Variants in EXTL3 observed in about 807,000 individuals in gnomAD.
EXTL3 encodes exostosin like glycosyltransferase 3.
Under a neutral mutation model 69.3 loss-of-function variants are expected in EXTL3, and 27 were observed. The ratio of observed to expected loss-of-function variants is 0.39; its 90% CI spans 0.29 to 0.54. The LOEUF (loss-of-function observed/expected upper bound fraction) is 0.54. EXTL3 is among the 20% of genes least tolerant of loss of function. The probability of loss-of-function intolerance (pLI) is 0.69; values close to 1 mark genes in which losing one functional copy is unlikely to be tolerated. For synonymous variants in EXTL3, 511 were observed against 499.4 expected, an observed-to-expected ratio of 1.02 and a Z score of -0.31; for missense variants, 1,003 against 1,231.8, an observed-to-expected ratio of 0.81 and a Z score of 2.78.
intron 6 of EXTL3, among the ~76,000 whole-genome samples, chr8:28,749,284 A>C (rs1420665915): frequency 6.6e-6 from 1 of 152,234 alleles, no homozygotes; most frequent in Non-Finnish European, 1.5e-5. Context: ...AGTAACCTGA[A>C]AACATAAAAA....
intron 1 of EXTL3, among the ~76,000 whole-genome samples, chr8:28,631,016 T>C (rs1046499953): frequency 1.3e-5 from 2 of 152,122 alleles, no homozygotes; most frequent in Non-Finnish European, 2.9e-5. Context: ...ACACCTGAGA[T>C]GAGACATTTT....
chr8:28,717,318 A>G lies in EXTL3; in HGVS notation c.1259A>G (p.Asp420Gly). The G allele has an allele frequency of 6.2e-7, 1 of 1,614,150 alleles. No individual in the cohort carries two copies. Among genetic ancestry groups the G allele is most frequent in the Non-Finnish European group, 8.5e-7 (1 of 1,180,022 alleles). The change falls in exon 3 of 7, where the codon GAC becomes GGC. Residue 420 changes from aspartate to glycine, a missense_variant. By Grantham distance (94) the Asp-to-Gly change is moderately conservative. Coordinates refer to ENST00000220562, the MANE Select transcript of EXTL3 (RefSeq NM_001440.4). This position sits in a 1 kb window ranked among gnomAD's most constrained non-coding sequence, Gnocchi z 8.3. ...TEWALCGERE[D>G]RLELLKLSTF... Reference sequence around the variant, plus strand: ...TGGGCACTGTGTGGAGAGCGGGAGGACCGCTTGGAATTGCTGAAGCTCTCC... The same window carrying G: ...TGGGCACTGTGTGGAGAGCGGGAGGGCCGCTTGGAATTGCTGAAGCTCTCC...
intron 1 of EXTL3, chr8:28,631,600 A>G (rs1469481326): frequency 6.6e-6 from 1 of 152,212 alleles, no homozygotes; most frequent in East Asian, 1.9e-4. Context: ...TGGGGATGAT[A>G]ATGCCTGCTG....
chr8:28,652,039 C>G lies in EXTL3; in HGVS notation c.-53+29229C>G, dbSNP rs13269446. ...ATAATATTCCATTGTGTGTGTGTGTCTGTGTGTGTGTGTGTGTGTGTATGT... is the reference window on the plus strand; with the variant it reads ...ATAATATTCCATTGTGTGTGTGTGTGTGTGTGTGTGTGTGTGTGTGTATGT... On this transcript the variant is annotated intron_variant, in intron 1 of 6. Transcript: ENST00000523149. 6.3e-4 allele frequency among the ~76,000 whole-genome samples: 92 copies of G among 145,206 alleles called. 1 individual carries two copies. Among genetic ancestry groups the G allele is most frequent in the African/African-American group, 2.4e-3 (89 of 36,900 alleles).
At chr8:28,736,229 G>C (rs1801650007) in intron 4 of EXTL3, among the ~76,000 whole-genome samples, 1 of 152,190 alleles carries the variant, frequency 6.6e-6, no homozygotes, top group Admixed American at 6.5e-5. Context: ...CATTGTGATA[G>C]AAGTTGTGAT....
At chr8:28,683,314 A>G (rs1053215160) in intron 1 of EXTL3, among the ~76,000 whole-genome samples, 2 of 152,136 alleles carry the variant, frequency 1.3e-5, no homozygotes, top group African/African-American at 2.4e-5. Context: ...TAGGGATTGC[A>G]TGGAATCTGT....
In EXTL3 at chr8:28,753,080, G is replaced by A. The variant is rs1802043421; in HGVS notation, c.*2214G>A. ...CAAAACATGCCGCAGGGAGGGCTGT[G>A]GTGCCGGTGCTTCCAACAAGGACAG... is the stretch of plus-strand genomic sequence containing the variant. On this transcript the variant is annotated 3_prime_UTR_variant, in exon 7 of 7. Coordinates refer to ENST00000220562, the MANE Select transcript of EXTL3 (RefSeq NM_001440.4). 6.6e-6 allele frequency: 1 copy of A among 152,286 alleles called. No individual in the cohort carries two copies. The highest frequency in any genetic ancestry group is 1.5e-5 in the Non-Finnish European group (1 of 68,108). 9.4% of individuals were successfully genotyped at this position (152,286 alleles called of 1,614,324 possible). A position where few individuals can be genotyped will look rare whatever the true frequency, so the allele number is the denominator to read the frequency against.
In EXTL3 at chr8:28,713,498, G is replaced by A; in HGVS notation, c.-528G>A. On this transcript the variant is annotated 5_prime_UTR_variant, in exon 2 of 7. Coordinates refer to ENST00000220562, the MANE Select transcript of EXTL3 (RefSeq NM_001440.4). ...GGTTCACTCTTTCAAGAAGTCGTGT[G>A]CTGAGGTGTAATGCTACACAAGTCA... 1.4e-6 allele frequency: 1 copy of A among 701,912 alleles called. No homozygotes were observed. The highest frequency in any genetic ancestry group is 2.6e-6 in the Non-Finnish European group (1 of 384,742). 43.5% of individuals were successfully genotyped at this position (701,912 alleles called of 1,614,324 possible).
chr8:28,663,605 C>T (rs1807149802), intron 1 of EXTL3, among the ~76,000 whole-genome samples: 1 of 152,068 alleles, frequency 6.6e-6, no homozygotes, highest in Admixed American at 6.6e-5. Flanking sequence ...GTGCACACCA[C>T]CACACCCAGC....
intron 1 of EXTL3, among the ~76,000 whole-genome samples, chr8:28,656,683 C>T (rs1303904895): frequency 6.6e-6 from 1 of 152,100 alleles, no homozygotes; most frequent in East Asian, 1.9e-4. Context: ...GATTTTGCAT[C>T]TAATTTTACT....
At chr8:28,698,823 G>A (rs1243625921), upstream of EXTL3, among the ~76,000 whole-genome samples, 2 of 152,132 alleles carry the variant, frequency 1.3e-5, no homozygotes, top group Non-Finnish European at 2.9e-5. Flanking sequence ...GTGAAACCCT[G>A]TCTCTACTAA....
At position 28,704,190 on chromosome 8, in the gene EXTL3, CCA is replaced by C. The variant is rs541509478; in HGVS notation, c.-570+2534_-570+2535del. Reference sequence around the variant, plus strand: ...CTCATTACTAACATACTTCCCTCTCCCACAGTTAGGCCATAAAGTGCAGTGTA... The same window carrying C: ...CTCATTACTAACATACTTCCCTCTCCCAGTTAGGCCATAAAGTGCAGTGTA... On this transcript the variant is annotated intron_variant, in intron 1 of 6. Transcript: ENST00000220562. 3.1e-3 allele frequency among the ~76,000 whole-genome samples: 479 copies of C among 152,294 alleles called. 5 individuals are homozygous for C. Among genetic ancestry groups the C allele is most frequent in the African/African-American group, 0.011 (462 of 41,544 alleles).
chr8:28,702,144 C>T (rs1258063240), intron 1 of EXTL3, among the ~76,000 whole-genome samples: 40 of 152,030 alleles, frequency 2.6e-4, no homozygotes, highest in Admixed American at 2.6e-3. Flanking sequence ...CCTTCCCGAG[C>T]ACACCTTCCC....
At position 28,717,424 on chromosome 8, in the gene EXTL3, G is replaced by T; in HGVS notation, c.1365G>T (p.Leu455=). ...GTGCAACACGGCTCTTCGAAGCCCT[G>T]GAAGTCGGTGCCGTCCCGGTGGTGC... ...SGCATRLFEA[L]EVGAVPVVLG... Residue 455 remains leucine, a synonymous_variant, in exon 3 of 7, where the codon CTG becomes CTT. Transcript: ENST00000220562. This position sits in a 1 kb window ranked among gnomAD's most constrained non-coding sequence, Gnocchi z 8.3. 6.2e-7 allele frequency: 1 copy of T among 1,614,216 alleles called. No homozygotes were observed. Among genetic ancestry groups the T allele is most frequent in the Non-Finnish European group, 8.5e-7 (1 of 1,180,048 alleles).
intron 1 of EXTL3, among the ~76,000 whole-genome samples, chr8:28,636,081 C>T (rs1806649485): frequency 6.6e-6 from 1 of 151,878 alleles, no homozygotes; most frequent in South Asian, 2.1e-4. Context: ...CTGTAATCCT[C>T]ACACTTTGGG....
chr8:28,635,910 G>A (rs1806646914), intron 1 of EXTL3, among the ~76,000 whole-genome samples: 1 of 152,120 alleles, frequency 6.6e-6, no homozygotes, highest in Non-Finnish European at 1.5e-5. Flanking sequence ...TAATAGAGAT[G>A]GGGTTTGCCA....
intron 6 of EXTL3, among the ~76,000 whole-genome samples, chr8:28,749,822 A>G (rs1033949199): frequency 4.6e-5 from 7 of 152,124 alleles, no homozygotes; most frequent in African/African-American, 1.7e-4. Flanking sequence ...AGTAGCTGGG[A>G]CTACACCAGA....
At chr8:28,713,909 T>C (rs903664388) in intron 2 of EXTL3, among the ~76,000 whole-genome samples, 3 of 147,532 alleles carry the variant, frequency 2.0e-5, no homozygotes, top group Non-Finnish European at 3.0e-5. Context: ...CTTTCTTTTT[T>C]TTTTTTTTTT....
intron 1 of EXTL3, among the ~76,000 whole-genome samples, chr8:28,641,587 C>G (rs1181691926): frequency 6.6e-6 from 1 of 152,038 alleles, no homozygotes; most frequent in African/African-American, 2.4e-5. Context: ...AGCGATTCTC[C>G]GGCCTCAGCC....
Sources: allele counts gnomAD v4.1 joint callset (sites outside exome capture counted in the v4.1 genomes callset), GRCh38; gene constraint gnomAD v4.1.1; non-coding constraint Gnocchi (gnomAD v3.1); transcripts MANE v1.5; gene names NCBI Gene and HGNC (gene_info 2026-07-23, HGNC 2026-07-21).